ACOX1: variants seen among roughly 807,000 people sequenced by gnomAD.
The protein encoded by ACOX1 is peroxisomal acyl-coenzyme A oxidase 1.
Under a neutral mutation model 75.5 loss-of-function variants are expected in ACOX1, and 41 were observed. The observed-to-expected ratio is 0.54, with a 90% confidence interval of 0.42 to 0.70. ACOX1 has a LOEUF of 0.70. ACOX1 is among the 30% of genes least tolerant of loss of function. The probability of loss-of-function intolerance (pLI) is 0.00; values close to 1 mark genes in which losing one functional copy is unlikely to be tolerated. For missense variants in ACOX1, 630 were observed against 837.5 expected (o/e 0.75, Z 3.06); for synonymous variants, 303 against 298.8 (o/e 1.01, Z -0.15).
At chr17:75,968,343 G>A (rs2065958976) in intron 2 of ACOX1, among the ~76,000 whole-genome samples, 1 of 146,204 alleles carries the variant, frequency 6.8e-6, no homozygotes, top group Admixed American at 6.8e-5. Context: ...GGCTGAGGCA[G>A]GAGAATGGCG....
At chr17:75,967,667 T>TATACGTATATATATAC (rs2065947659) in intron 2 of ACOX1, among the ~76,000 whole-genome samples, 1 of 98,560 alleles carries the variant, frequency 1.0e-5, no homozygotes, top group Non-Finnish European at 1.9e-5. Flanking sequence ...CATACATATA[T>TATACGTATATATATAC]ATACATATAT....
Position 75,973,829 on chromosome 17 carries a change from C to T in ACOX1, c.269+4705G>A, listed in dbSNP as rs1412520149. 5 of 1,606,146 alleles carry T rather than the reference C, an allele frequency of 3.1e-6. No individual in the cohort carries two copies. In the African/African-American group the frequency reaches 6.7e-5, roughly 21 times the overall value. The stretch of plus-strand genomic sequence containing the variant: ...AAGGATCTCAGCCTTCCTTTAGAAA[C>T]TGCATCCTACAACCCCTTCTTGCCA... On this transcript the variant is annotated intron_variant, in intron 2 of 13. Coordinates refer to ENST00000293217, the MANE Select transcript of ACOX1 (RefSeq NM_004035.7).
In ACOX1 at chr17:75,978,920, C is replaced by T. The variant is rs764555690; in HGVS notation, c.109+45G>A. The T allele has an allele frequency of 1.2e-5, 19 of 1,605,664 alleles. No homozygotes were observed. In the Admixed American group the frequency reaches 2.3e-4, roughly 20 times the overall value. ...CCTGACTCCGCATCGAGGGAGTCTC[C>T]AGCTTTTCTCGGGAAAGGAGGGAGG... On this transcript the variant is annotated intron_variant, in intron 1 of 13. Transcript: ENST00000293217. The surrounding 1 kb of genome is among the most constrained non-coding windows in gnomAD (Gnocchi z 4.2).
At chr17:75,971,615 G>A (rs149300966) in intron 2 of ACOX1, among the ~76,000 whole-genome samples, 622 of 151,754 alleles carry the variant, frequency 4.1e-3, no homozygotes, top group African/African-American at 0.014. Context: ...GGTGGCAGGT[G>A]CCTGTAATCC....
chr17:75,946,850 G>C, intron 13 of ACOX1, 55 bp from the exon 14 acceptor site: 2 of 1,529,954 alleles, frequency 1.3e-6, no homozygotes, highest in Non-Finnish European at 1.8e-6. Flanking sequence ...ATGTTAAATA[G>C]TATACTGTTT....
chr17:75,948,678 C>CTA (rs2065744974), intron 12 of ACOX1, among the ~76,000 whole-genome samples: 1 of 151,788 alleles, frequency 6.6e-6, no homozygotes, highest in South Asian at 2.1e-4. Context: ...CCTTGGCCTC[C>CTA]CAAATAGCTG....
In ACOX1 at chr17:75,957,443, T is replaced by C; in HGVS notation, c.538+16A>G. On this transcript the variant is annotated intron_variant, in intron 4 of 13. Coordinates refer to ENST00000293217, the MANE Select transcript of ACOX1 (RefSeq NM_004035.7). ...AACCTTCAAAACATCCAATAAATGC[T>C]GAAAAATTCACTTACGCCCACCAGG... The C allele has an allele frequency of 6.3e-7, 1 of 1,598,054 alleles. No individual in the cohort carries two copies. Among genetic ancestry groups the C allele is most frequent in the African/African-American group, 1.3e-5 (1 of 74,660 alleles).
intron 2 of ACOX1, among the ~76,000 whole-genome samples, chr17:75,967,672 A>C (rs567055370): frequency 1.1e-5 from 1 of 94,262 alleles, no homozygotes. Flanking sequence ...ATATATATAC[A>C]TATATATACG....
At chr17:75,967,697 CATATATAT>C (rs553599978) in intron 2 of ACOX1, among the ~76,000 whole-genome samples, 1 of 110,548 alleles carries the variant, frequency 9.0e-6, no homozygotes, top group African/African-American at 4.2e-5. Flanking sequence ...TATATACATA[CATATATAT>C]ACATATATAT....
Position 75,967,738 on chromosome 17 carries a change from G to GTA in ACOX1, c.270-7365_270-7364dup, listed in dbSNP as rs935410943. On this transcript the variant is annotated intron_variant, in intron 2 of 13. Coordinates refer to ENST00000293217, the MANE Select transcript of ACOX1 (RefSeq NM_004035.7). The stretch of plus-strand genomic sequence containing the variant: ...TATATACACATATATATATATACAC[G>GTA]TATATATATATATATTTTTTGAGAC... Among the ~76,000 whole-genome samples the GTA allele has an allele frequency of 1.2e-3, 142 of 121,904 alleles. 3 individuals carry two copies. The highest frequency in any genetic ancestry group is 3.1e-3 in the Admixed American group (36 of 11,528). The allele number at this position is 121,904 out of a possible 152,430, so 80.0% of individuals were successfully genotyped here. A position where few individuals can be genotyped will look rare whatever the true frequency, so the allele number is the denominator to read the frequency against.
chr17:75,968,090 AATAACAT>A (rs2065955890), intron 2 of ACOX1, among the ~76,000 whole-genome samples: 1 of 151,898 alleles, frequency 6.6e-6, no homozygotes, highest in Non-Finnish European at 1.5e-5. Context: ...CAAAACACGT[AATAACAT>A]CCAGGCTTAC....
chr17:75,946,287 C>T lies in ACOX1; in HGVS notation c.*461G>A, dbSNP rs552686397. 1 of 190,554 alleles carries T rather than the reference C, an allele frequency of 5.2e-6. No homozygotes were observed. The highest frequency in any genetic ancestry group is 1.1e-5 in the Non-Finnish European group (1 of 90,958). The allele number at this position is 190,554 out of a possible 1,614,324, so 11.8% of individuals were successfully genotyped here. On this transcript the variant is annotated 3_prime_UTR_variant, in exon 14 of 14. Coordinates refer to ENST00000293217, the MANE Select transcript of ACOX1 (RefSeq NM_004035.7). ...CTTCCCCCAGTCCCTTTTCTTCAAT[C>T]CTGCTTTTAAGCCAGGCCCCAGGGT... is the stretch of plus-strand genomic sequence containing the variant.
intron 4 of ACOX1, 97 bp from the exon 5 acceptor site, chr17:75,956,044 G>C: frequency 6.6e-7 from 1 of 1,522,748 alleles, no homozygotes; most frequent in Non-Finnish European, 9.1e-7. Context: ...TCTAACACTA[G>C]ACTAAACCAA....
At chr17:75,966,316 G>C (rs540627756) in intron 2 of ACOX1, among the ~76,000 whole-genome samples, 87 of 149,938 alleles carry the variant, frequency 5.8e-4, no homozygotes, top group African/African-American at 2.0e-3. Flanking sequence ...CATTAGCTGA[G>C]CATGGTGGTG....
At chr17:75,976,741 A>T (rs2066053623) in intron 2 of ACOX1, among the ~76,000 whole-genome samples, 1 of 152,158 alleles carries the variant, frequency 6.6e-6, no homozygotes, top group Non-Finnish European at 1.5e-5. Flanking sequence ...ATCGATACCA[A>T]AGGCACTAGA....
rs142474717 is a variant in ACOX1, at chr17:75,960,240, A to G, written c.405T>C (p.Thr135=). 1.2e-4 allele frequency: 192 copies of G among 1,614,048 alleles called. No homozygotes were observed. Among genetic ancestry groups the G allele is most frequent in the Non-Finnish European group, 1.6e-4 (183 of 1,180,010 alleles). The change falls in exon 3 of 14, where the codon ACT becomes ACC. Residue 135 remains threonine, a synonymous_variant. Coordinates refer to ENST00000293217, the MANE Select transcript of ACOX1 (RefSeq NM_004035.7). The surrounding 1 kb of genome is among the most constrained non-coding windows in gnomAD (Gnocchi z 4.4). ...CATGACCCATCTCTGTCTGGGCATA[A>G]GTGCCAATGATCTCCAAGTTCCAGG... ...MPAWNLEIIG[T]YAQTEMGHGT...
rs2065685799 is a variant in ACOX1 at position 75,942,924 on chromosome 17, A to G, written c.*3824T>C. Reference sequence around the variant, plus strand: ...CTCCACCCAAAGCCCTGCAGTGAAGAAAATCCAAGAATTAAGATGTAACAT... The same window carrying G: ...CTCCACCCAAAGCCCTGCAGTGAAGGAAATCCAAGAATTAAGATGTAACAT... On this transcript the variant is annotated 3_prime_UTR_variant, in exon 14 of 14. Coordinates refer to ENST00000293217, the MANE Select transcript of ACOX1 (RefSeq NM_004035.7). 6.6e-6 allele frequency: 1 copy of G among 152,184 alleles called. No individual in the cohort carries two copies. The highest frequency in any genetic ancestry group is 2.4e-5 in the African/African-American group (1 of 41,446). 9.4% of individuals were successfully genotyped at this position (152,184 alleles called of 1,614,324 possible). A position where few individuals can be genotyped will look rare whatever the true frequency, so the allele number is the denominator to read the frequency against.
intron 2 of ACOX1, among the ~76,000 whole-genome samples, chr17:75,967,095 C>G (rs1461912981): frequency 6.6e-6 from 1 of 150,378 alleles, no homozygotes; most frequent in Non-Finnish European, 1.5e-5. Context: ...AAAAAAAAAT[C>G]TAGAAAACCA....
Position 75,968,289 on chromosome 17 carries a change from A to C in ACOX1, c.270-7914T>G, listed in dbSNP as rs1435251231. On this transcript the variant is annotated intron_variant, in intron 2 of 13. Transcript: ENST00000293217. ...GTCTCTACTAAAAATACAAAAAATT[A>C]GCCGGGCGTAGTGGCGGGCGCCTGT... 4.0e-5 allele frequency among the ~76,000 whole-genome samples: 6 copies of C among 148,484 alleles called. No homozygotes were observed. The East Asian group carries it at 1.2e-3, about 30-fold the overall frequency.
Sources: gnomAD v4.1 joint callset for allele counts (sites outside exome capture counted in the v4.1 genomes callset) on GRCh38, gnomAD v4.1.1 for gene constraint, Gnocchi (gnomAD v3.1) non-coding constraint, MANE v1.5 for transcripts, NCBI Gene and HGNC (gene_info 2026-07-23, HGNC 2026-07-21) for gene names.